Variants in VPS13D observed in about 807,000 individuals in gnomAD.
VPS13D encodes intermembrane lipid transfer protein VPS13D.
In VPS13D, 187 loss-of-function variants were observed where a neutral mutation model predicts 461.9. The ratio of observed to expected loss-of-function variants is 0.40; its 90% CI spans 0.36 to 0.46. The LOEUF (loss-of-function observed/expected upper bound fraction) is 0.46. Among genes scored for constraint, VPS13D ranks in the 20% least tolerant of loss-of-function variants. The probability of loss-of-function intolerance (pLI) is 0.60; values close to 1 mark genes in which losing one functional copy is unlikely to be tolerated. For missense variants in VPS13D, 4,711 were observed against 5,364.9 expected, an observed-to-expected ratio of 0.88 and a Z score of 3.81; for synonymous variants, 1,951 against 1,986.3, an observed-to-expected ratio of 0.98 and a Z score of 0.47.
chr1:12,414,825 T>G (rs1644774064), intron 63 of VPS13D, among the ~76,000 whole-genome samples: 1 of 152,242 alleles, frequency 6.6e-6, no homozygotes, highest in African/African-American at 2.4e-5. Flanking sequence ...CAAAACAGAC[T>G]AAAAGGAATT....
chr1:12,286,798 A>C (rs1184418873), intron 21 of VPS13D, among the ~76,000 whole-genome samples: 2 of 152,210 alleles, frequency 1.3e-5, no homozygotes, highest in Non-Finnish European at 2.9e-5. Context: ...CTCCAAACAA[A>C]GCATTTTTAG....
At chr1:12,251,144 G>A (rs1430809888) in intron 6 of VPS13D, among the ~76,000 whole-genome samples, 1 of 151,634 alleles carries the variant, frequency 6.6e-6, no homozygotes, top group African/African-American at 2.4e-5. Context: ...GAGTAGTGTA[G>A]TTGCAGCAGA....
chr1:12,345,093 G>A (rs948357702), intron 42 of VPS13D: 1 of 295,954 alleles, frequency 3.4e-6, no homozygotes, highest in African/African-American at 2.1e-5. Context: ...GGTTGGTGGG[G>A]GAAAGACCTT....
rs534581323 is a variant in VPS13D, at chr1:12,380,063, C to T, written c.11190+467C>T. On this transcript the variant is annotated intron_variant, in intron 57 of 69. Transcript: ENST00000620676. The stretch of plus-strand genomic sequence containing the variant: ...GGATTACAGGCGTGAGCCACCGCGC[C>T]CAGCCCCGCATTTGTGTATGTTTAC... 2.0e-5 allele frequency among the ~76,000 whole-genome samples: 3 copies of T among 152,278 alleles called. No homozygotes were observed. The East Asian group carries it at 5.8e-4, about 29-fold the overall frequency.
At chr1:12,440,945 G>T (rs1487279079) in intron 65 of VPS13D, among the ~76,000 whole-genome samples, 1 of 150,944 alleles carries the variant, frequency 6.6e-6, no homozygotes, top group East Asian at 1.9e-4. Flanking sequence ...TTTCTTTCGA[G>T]ATGGAGTTTC....
At chr1:12,467,839 A>G (rs568898938) in intron 67 of VPS13D, among the ~76,000 whole-genome samples, 83 of 152,268 alleles carry the variant, frequency 5.5e-4, no homozygotes, top group Admixed American at 7.2e-4. Flanking sequence ...TCTAGAAAGG[A>G]GAGCGTCTAA....
At chr1:12,343,179 AT>A in intron 42 of VPS13D, 128 bp downstream of exon 42, 2 of 795,170 alleles carry the variant, frequency 2.5e-6, no homozygotes. Flanking sequence ...ATCTTATTTT[AT>A]TTTATTTTTG....
chr1:12,302,988 T>A (rs1197504687), intron 25 of VPS13D, among the ~76,000 whole-genome samples: 2 of 152,234 alleles, frequency 1.3e-5, no homozygotes, highest in African/African-American at 4.8e-5. Flanking sequence ...CAAGTATTTG[T>A]AAGCAGATAA....
chr1:12,247,619 G>A (rs1384724418), intron 5 of VPS13D, among the ~76,000 whole-genome samples: 1 of 152,058 alleles, frequency 6.6e-6, no homozygotes, highest in African/African-American at 2.4e-5. Flanking sequence ...TAATGGCGAA[G>A]GATACTGAAT....
chr1:12,245,358 G>A (rs866559584), intron 5 of VPS13D, among the ~76,000 whole-genome samples: 3 of 152,018 alleles, frequency 2.0e-5, no homozygotes, highest in African/African-American at 4.8e-5. Flanking sequence ...TTTTGATTTC[G>A]TAACTTTCCT....
In VPS13D at chr1:12,244,277, C is replaced by T. The variant is rs1181722544; in HGVS notation, c.207C>T (p.Pro69=). Residue 69 remains proline (P), a synonymous_variant, in exon 4 of 70, where the codon CCC becomes CCT. Coordinates refer to ENST00000620676, the MANE Select transcript of VPS13D (RefSeq NM_015378.4). ...GFIGKVTLQI[P]FYRPHVDPWV... is the part of the protein sequence containing the mutation. ...TTGGGAAAGTAACCCTTCAGATTCC[C>T]TTTTATCGCCCCCATGTGGACCCTT... The T allele has an allele frequency of 6.2e-7, 1 of 1,613,536 alleles. No homozygotes were observed. The highest frequency in any genetic ancestry group is 8.5e-7 in the Non-Finnish European group (1 of 1,179,850).
At chr1:12,461,532 A>G (rs1048315316) in intron 67 of VPS13D, among the ~76,000 whole-genome samples, 1 of 152,194 alleles carries the variant, frequency 6.6e-6, no homozygotes, top group Non-Finnish European at 1.5e-5. Flanking sequence ...ATCCTTGAGT[A>G]TATTTTGAAG....
intron 65 of VPS13D, among the ~76,000 whole-genome samples, chr1:12,426,182 G>A (rs1004648480): frequency 1.3e-5 from 2 of 152,296 alleles, no homozygotes; most frequent in East Asian, 1.9e-4. Flanking sequence ...GTAAGCTGAC[G>A]AAGCTGATGT....
intron 65 of VPS13D, among the ~76,000 whole-genome samples, chr1:12,438,566 C>G (rs1330678565): frequency 6.6e-6 from 1 of 152,158 alleles, no homozygotes; most frequent in Non-Finnish European, 1.5e-5. Context: ...GTTTACTTGT[C>G]TTTTTCATTG....
In VPS13D at chr1:12,502,623, T is replaced by C. The variant is rs1182812736; in HGVS notation, c.12795-4230T>C. ...ACTCCAGAGGGAGTAGAATCAGGTA[T>C]ATAAATGAGTTAATATCGAAAAAAA... On this transcript the variant is annotated intron_variant, in intron 68 of 69. Transcript: ENST00000620676. This position sits in a 1 kb window ranked among gnomAD's most constrained non-coding sequence, Gnocchi z 4.3. Among the ~76,000 whole-genome samples, 1 of 147,484 alleles carries C rather than the reference T, an allele frequency of 6.8e-6. No individual in the cohort carries two copies. The highest frequency in any genetic ancestry group is 1.5e-5 in the Non-Finnish European group (1 of 67,464).
intron 60 of VPS13D, among the ~76,000 whole-genome samples, chr1:12,391,531 C>T (rs981283633): frequency 2.0e-5 from 3 of 152,124 alleles, no homozygotes; most frequent in Non-Finnish European, 2.9e-5. Context: ...CTGCTGTGTA[C>T]GACCCACTTT....
At position 12,264,868 on chromosome 1, in the gene VPS13D, G is replaced by A. The variant is rs528429328; in HGVS notation, c.1595-2013G>A. On this transcript the variant is annotated intron_variant, in intron 13 of 69. Coordinates refer to ENST00000620676, the MANE Select transcript of VPS13D (RefSeq NM_015378.4). ...AAAATGCCATCTAGGACTTTTCATA[G>A]CTAGAGAGGAGAAGTCAATGCCTGG... Among the ~76,000 whole-genome samples the A allele has an allele frequency of 1.4e-4, 22 of 152,336 alleles. No homozygotes were observed. The South Asian group carries it at 4.6e-3, about 32-fold the overall frequency.
chr1:12,466,899 C>T (rs1486140019), intron 67 of VPS13D, among the ~76,000 whole-genome samples: 1 of 152,216 alleles, frequency 6.6e-6, no homozygotes, highest in Non-Finnish European at 1.5e-5. Flanking sequence ...AATATCTCCT[C>T]TGTTGTCCAA....
Position 12,293,527 on chromosome 1 carries a change from C to T in VPS13D, c.5856C>T (p.Tyr1952=), listed in dbSNP as rs769139416. 32 of 1,597,634 alleles carry T rather than the reference C, an allele frequency of 2.0e-5. No individual in the cohort carries two copies. Among genetic ancestry groups the T allele is most frequent in the East Asian group, 9.1e-5 (4 of 44,164 alleles). ...ACACTTTTATCCTAATTTTTAGATA[C>T]GGACGGCCTGACCCTCTGCTCCGGA... ...EEALIFQTFK[Y]GRPDPLLRRE... The change falls in exon 24 of 70, where the codon TAC becomes TAT. Residue 1952 remains tyrosine (Y), a synonymous_variant. Transcript: ENST00000620676.
Sources: allele counts gnomAD v4.1 joint callset (sites outside exome capture counted in the v4.1 genomes callset), GRCh38; gene constraint gnomAD v4.1.1; non-coding constraint Gnocchi (gnomAD v3.1); transcripts MANE v1.5; gene names NCBI Gene and HGNC (gene_info 2026-07-23, HGNC 2026-07-21).